The following DEUP1 variants were observed in gnomAD, a reference collection of about 807,000 sequenced individuals.
DEUP1 encodes coiled-coil domain containing 67.
In DEUP1, 82 loss-of-function variants were observed where a neutral mutation model predicts 87.4. The ratio of observed to expected loss-of-function variants is 0.94; its 90% CI spans 0.78 to 1.13. The LOEUF is 1.13. Among genes scored for constraint, DEUP1 ranks in the 50% most tolerant of loss-of-function variants. The pLI is 0.00. For synonymous variants in DEUP1, 214 were observed against 222.7 expected (o/e 0.96, Z 0.35); for missense variants, 663 against 681.5 (o/e 0.97, Z 0.30).
At chr11:93,331,782 C>T (rs1354515165) in intron 1 of DEUP1, among the ~76,000 whole-genome samples, 1 of 152,240 alleles carries the variant, frequency 6.6e-6, no homozygotes, top group Admixed American at 6.5e-5. Context: ...GCATAGGGGT[C>T]GCTAAACAAA....
chr11:93,376,164 G>A (rs946365767), intron 7 of DEUP1, among the ~76,000 whole-genome samples: 3 of 152,156 alleles, frequency 2.0e-5, no homozygotes, highest in Middle Eastern at 3.4e-3. Flanking sequence ...GGCTGGTCTC[G>A]AACTCCTGAG....
At chr11:93,404,776 G>A (rs1190891804) in intron 11 of DEUP1, among the ~76,000 whole-genome samples, 1 of 151,986 alleles carries the variant, frequency 6.6e-6, no homozygotes, top group Non-Finnish European at 1.5e-5. Context: ...CAAAAGTTGA[G>A]TAAATGGGTA....
chr11:93,344,204 A>C (rs1371666547), intron 2 of DEUP1, among the ~76,000 whole-genome samples: 1 of 152,168 alleles, frequency 6.6e-6, no homozygotes, highest in Admixed American at 6.5e-5. Flanking sequence ...AGTGGGCTCT[A>C]GGACTTCTGC....
intron 5 of DEUP1, among the ~76,000 whole-genome samples, chr11:93,367,688 G>A (rs1033034675): frequency 2.6e-5 from 4 of 152,040 alleles, no homozygotes; most frequent in African/African-American, 9.7e-5. Flanking sequence ...GACATTAACT[G>A]CTAAATAAAT....
chr11:93,349,598 C>G (rs1399459333), intron 2 of DEUP1, among the ~76,000 whole-genome samples: 1 of 142,580 alleles, frequency 7.0e-6, no homozygotes, highest in African/African-American at 2.6e-5. Flanking sequence ...AAAAAAAAAA[C>G]TTGTTCAAAG....
chr11:93,402,160 TA>T (rs913027253), intron 11 of DEUP1, among the ~76,000 whole-genome samples: 15 of 150,390 alleles, frequency 1.0e-4, no homozygotes, highest in South Asian at 8.4e-4. Flanking sequence ...AACTCAATAG[TA>T]AAAAAAAATA....
chr11:93,371,842 T>C (rs1409630539), intron 7 of DEUP1, among the ~76,000 whole-genome samples: 4 of 152,260 alleles, frequency 2.6e-5, no homozygotes, highest in African/African-American at 7.2e-5. Flanking sequence ...TGTTTTTTTC[T>C]TTTTTGTCTA....
At chr11:93,405,057 T>C (rs1193973770) in intron 11 of DEUP1, among the ~76,000 whole-genome samples, 1 of 140,434 alleles carries the variant, frequency 7.1e-6, no homozygotes, top group Non-Finnish European at 1.6e-5. Context: ...TAAACCAACA[T>C]TGGATAAAAA....
chr11:93,350,011 A>G (rs1016170123), intron 2 of DEUP1, among the ~76,000 whole-genome samples: 2 of 152,134 alleles, frequency 1.3e-5, no homozygotes, highest in African/African-American at 4.8e-5. Context: ...GGGGCACCCT[A>G]GGGGATTGTT....
At chr11:93,359,065 A>T (rs1945036049) in intron 4 of DEUP1, among the ~76,000 whole-genome samples, 1 of 152,220 alleles carries the variant, frequency 6.6e-6, no homozygotes, top group Non-Finnish European at 1.5e-5. Flanking sequence ...AGAAGGAAGG[A>T]GGAAAGTAGG....
intron 13 of DEUP1, among the ~76,000 whole-genome samples, chr11:93,433,540 T>A (rs1178322886): frequency 6.6e-6 from 1 of 152,106 alleles, no homozygotes; most frequent in African/African-American, 2.4e-5. Context: ...AATCAATCAA[T>A]CAATCCATAA....
chr11:93,413,803 A>G (rs1455028848), intron 12 of DEUP1, among the ~76,000 whole-genome samples: 1 of 152,196 alleles, frequency 6.6e-6, no homozygotes, highest in Non-Finnish European at 1.5e-5. Context: ...GGGTTTTTTA[A>G]GTCAAGAAAA....
intron 2 of DEUP1, 47 bp from the exon 3 acceptor site, chr11:93,355,324 C>T: frequency 6.4e-7 from 1 of 1,562,556 alleles, no homozygotes; most frequent in South Asian, 1.2e-5. Flanking sequence ...TTTTTGCCCT[C>T]ACATTTCACT....
At chr11:93,362,032 G>C (rs1006695515) in intron 4 of DEUP1, among the ~76,000 whole-genome samples, 1 of 151,986 alleles carries the variant, frequency 6.6e-6, no homozygotes, top group Admixed American at 6.6e-5. Context: ...AACTAAGTTG[G>C]AGCCCTACCT....
intron 12 of DEUP1, among the ~76,000 whole-genome samples, chr11:93,412,742 C>G (rs577937050): frequency 1.3e-5 from 2 of 152,168 alleles, no homozygotes; most frequent in African/African-American, 2.4e-5. Context: ...TAGACAGTAA[C>G]CTCACTCAAA....
chr11:93,371,804 G>A (rs1046428214), intron 7 of DEUP1, among the ~76,000 whole-genome samples: 1 of 151,812 alleles, frequency 6.6e-6, no homozygotes, highest in Non-Finnish European at 1.5e-5. Flanking sequence ...GGTTTAACAA[G>A]CATTAATTTT....
At chr11:93,414,858 T>C (rs1452105207) in intron 12 of DEUP1, 142 bp from the exon 13 acceptor site, 17 of 421,538 alleles carry the variant, frequency 4.0e-5, no homozygotes, top group Non-Finnish European at 7.3e-5. Context: ...AAAGTCATAT[T>C]CAAAGAAACA....
chr11:93,420,222 A>G (rs866680182), intron 13 of DEUP1, among the ~76,000 whole-genome samples: 2,314 of 149,174 alleles, frequency 0.016, 33 homozygotes, highest in South Asian at 0.087. Context: ...CACCATGATC[A>G]AGTGGGCTTC....
In DEUP1 at chr11:93,383,438, G is replaced by C. The variant is rs961818804; in HGVS notation, c.790-1960G>C. On this transcript the variant is annotated intron_variant, in intron 7 of 13. Transcript: ENST00000298050. ...GGCAATTCCATAGAGATAGAACATA[G>C]ATTAGTGGTTGCTAGGAGCTGGAGG... 99 of 485,930 alleles carry C rather than the reference G, an allele frequency of 2.0e-4. 2 individuals are homozygous for C. Among genetic ancestry groups the C allele is most frequent in the Middle Eastern group, 1.4e-3 (5 of 3,454 alleles). The allele number at this position is 485,930 out of a possible 1,614,324, so 30.1% of individuals were successfully genotyped here.
Sources: allele counts gnomAD v4.1 joint callset (sites outside exome capture counted in the v4.1 genomes callset), GRCh38; gene constraint gnomAD v4.1.1; transcripts MANE v1.5; gene names NCBI Gene and HGNC (gene_info 2026-07-23, HGNC 2026-07-21).